Variants in PHACTR2 observed in about 807,000 individuals in gnomAD.
PHACTR2 encodes the protein phosphatase and actin regulator 2.
Under a neutral mutation model 76.0 loss-of-function variants are expected in PHACTR2, and 30 were observed. The observed-to-expected ratio is 0.39, with a 90% CI of 0.30 to 0.54. PHACTR2 has a LOEUF of 0.54. PHACTR2 is among the 20% of genes least tolerant of loss of function. The pLI is 0.61. For synonymous variants in PHACTR2, 292 were observed against 292.5 expected (o/e 1.00, Z 0.02); for missense variants, 696 against 781.1 (o/e 0.89, Z 1.30).
In PHACTR2 at chr6:143,809,019, G is replaced by C. The variant is rs145551760; in HGVS notation, c.1922+1886G>C. Among the ~76,000 whole-genome samples the C allele has an allele frequency of 6.6e-6, 1 of 152,218 alleles. No individual in the cohort carries two copies. The highest frequency in any genetic ancestry group is 1.5e-5 in the Non-Finnish European group (1 of 68,034). On this transcript the variant is annotated intron_variant, in intron 12 of 12. Transcript: ENST00000440869. The surrounding 1 kb of genome is among the most constrained non-coding windows in gnomAD (Gnocchi z 4.2). ...GGGCCTCCGGGCAACTGGGAAGATA[G>C]AGTGCTTGGTGCAGTTGGGTCCTGA...
At chr6:143,673,394 TATC>T (rs1378923176), upstream of PHACTR2, among the ~76,000 whole-genome samples, 2 of 152,180 alleles carry the variant, frequency 1.3e-5, no homozygotes, top group Admixed American at 6.5e-5. Context: ...ATTTTTAATT[TATC>T]ATCTATGTAT....
chr6:143,704,062 G>C (rs75823809), intron 1 of PHACTR2, among the ~76,000 whole-genome samples: 4,372 of 117,928 alleles, frequency 0.037, 208 homozygotes, highest in African/African-American at 0.13. Flanking sequence ...TCACTTCATG[G>C]TAAGTCCATC....
At chr6:143,704,865 G>T (rs754750914) in intron 1 of PHACTR2, among the ~76,000 whole-genome samples, 3 of 152,184 alleles carry the variant, frequency 2.0e-5, no homozygotes, top group African/African-American at 4.8e-5. Context: ...ATCTCGCTCA[G>T]TTGCCCAGGC....
chr6:143,750,934 T>C lies in PHACTR2; in HGVS notation c.295+1869T>C, dbSNP rs1237233543. Among the ~76,000 whole-genome samples, 1 of 152,236 alleles carries C rather than the reference T, an allele frequency of 6.6e-6. No homozygotes were observed. Among genetic ancestry groups the C allele is most frequent in the African/African-American group, 2.4e-5 (1 of 41,468 alleles). On this transcript the variant is annotated intron_variant, in intron 3 of 12. Transcript: ENST00000440869. This position sits in a 1 kb window ranked among gnomAD's most constrained non-coding sequence, Gnocchi z 4.6. ...TCCCTATCTAGAACCGTAGAAATTA[T>C]CTAATGGTTGAAGGTTCCTGAGGAT... is the stretch of plus-strand genomic sequence containing the variant.
At chr6:143,693,017 T>A (rs1025308777) in intron 1 of PHACTR2, among the ~76,000 whole-genome samples, 2 of 152,166 alleles carry the variant, frequency 1.3e-5, no homozygotes, top group African/African-American at 2.4e-5. Flanking sequence ...ATATGGTCCA[T>A]CCTCTGTGCC....
At chr6:143,817,940 G>C (rs373069218) in intron 12 of PHACTR2, among the ~76,000 whole-genome samples, 3 of 152,114 alleles carry the variant, frequency 2.0e-5, no homozygotes, top group Admixed American at 6.5e-5. Context: ...ACTGTAGGGG[G>C]ACTATAGTTA....
chr6:143,538,386 C>T (rs747532329), intron 1 of PHACTR2, among the ~76,000 whole-genome samples: 3 of 152,192 alleles, frequency 2.0e-5, no homozygotes, highest in Non-Finnish European at 4.4e-5. Context: ...AAAGCATTAG[C>T]CTAAGAATTG....
At chr6:143,640,818 G>A (rs1776550986) in intron 1 of PHACTR2, among the ~76,000 whole-genome samples, 1 of 152,122 alleles carries the variant, frequency 6.6e-6, no homozygotes, top group Non-Finnish European at 1.5e-5. Context: ...TTGAAAAAAA[G>A]ACCTTTACAG....
chr6:143,746,583 G>A (rs1779071595), intron 2 of PHACTR2, among the ~76,000 whole-genome samples: 1 of 152,126 alleles, frequency 6.6e-6, no homozygotes, highest in Non-Finnish European at 1.5e-5. Context: ...ACTGTTGGAG[G>A]AGGTCTACAG....
rs1429358014 is a variant in PHACTR2, at chr6:143,583,678, G to C, written c.217+46471G>C. ...TTCCCAGAACTGATAGCTTGATTTT[G>C]CCAGTTATACACCCAAAGACTTTGG... On this transcript the variant is annotated intron_variant, in intron 1 of 11. Coordinates refer to the PHACTR2 transcript ENST00000367584. This position sits in a 1 kb window ranked among gnomAD's most constrained non-coding sequence, Gnocchi z 4.0. Among the ~76,000 whole-genome samples, 2 of 152,202 alleles carry C rather than the reference G, an allele frequency of 1.3e-5. No homozygotes were observed. Among genetic ancestry groups the C allele is most frequent in the African/African-American group, 2.4e-5 (1 of 41,448 alleles).
At position 143,824,277 on chromosome 6, in the gene PHACTR2, A is replaced by G. The variant is rs1776490974; in HGVS notation, c.*588A>G. ...TGTTTCACCATTATGTTGGTACAGT[A>G]TAGTACCATTATTTTATGTTGTGCC... is the stretch of plus-strand genomic sequence containing the variant. On this transcript the variant is annotated 3_prime_UTR_variant, in exon 13 of 13. Transcript: ENST00000440869. The surrounding 1 kb of genome is among the most constrained non-coding windows in gnomAD (Gnocchi z 6.3). 6.5e-6 allele frequency: 1 copy of G among 152,770 alleles called. No homozygotes were observed. The highest frequency in any genetic ancestry group is 6.5e-5 in the Admixed American group (1 of 15,278). 9.5% of individuals were successfully genotyped at this position (152,770 alleles called of 1,614,324 possible).
chr6:143,779,947 A>ATATTATATTATATTC (rs1775386324), intron 9 of PHACTR2, among the ~76,000 whole-genome samples: 1 of 137,552 alleles, frequency 7.3e-6, no homozygotes, highest in African/African-American at 2.6e-5. Context: ...ATATTATATT[A>ATATTATATTATATTC]TATTTAGTTA....
rs1781132752 is a variant in PHACTR2, at chr6:143,537,868, G to A, written c.217+661G>A. Among the ~76,000 whole-genome samples the A allele has an allele frequency of 6.6e-6, 1 of 152,180 alleles. No homozygotes were observed. Among genetic ancestry groups the A allele is most frequent in the Admixed American group, 6.5e-5 (1 of 15,282 alleles). ...CGCCTGTAATTCCAGAGCTTTGGGA[G>A]GCCCAAGGCCGGCCGATCACTTGAG... is the stretch of plus-strand genomic sequence containing the variant. On this transcript the variant is annotated intron_variant, in intron 1 of 11. Coordinates refer to the PHACTR2 transcript ENST00000367584. This position sits in a 1 kb window ranked among gnomAD's most constrained non-coding sequence, Gnocchi z 4.4.
chr6:143,813,435 C>T (rs552932566), intron 12 of PHACTR2, among the ~76,000 whole-genome samples: 1 of 152,002 alleles, frequency 6.6e-6, no homozygotes, highest in Non-Finnish European at 1.5e-5. Context: ...CTGGCTAACA[C>T]GGTGAAACCC....
Position 143,565,842 on chromosome 6 carries a change from C to T in PHACTR2, c.217+28635C>T, listed in dbSNP as rs530840300. Reference sequence around the variant, plus strand: ...AGGGTGGAGTGAGGGCAGGGTCTTGCGGGCTTTCACTTTGGGCGGGAAGGG... The same window carrying T: ...AGGGTGGAGTGAGGGCAGGGTCTTGTGGGCTTTCACTTTGGGCGGGAAGGG... On this transcript the variant is annotated intron_variant, in intron 1 of 11. Coordinates refer to the PHACTR2 transcript ENST00000367584. 4.2e-4 allele frequency among the ~76,000 whole-genome samples: 64 copies of T among 152,076 alleles called. No homozygotes were observed. The South Asian group carries it at 8.1e-3, about 19-fold the overall frequency.
Position 143,750,808 on chromosome 6 carries a change from A to G in PHACTR2, c.295+1743A>G, listed in dbSNP as rs955060813. Among the ~76,000 whole-genome samples, 2 of 152,228 alleles carry G rather than the reference A, an allele frequency of 1.3e-5. No individual in the cohort carries two copies. The highest frequency in any genetic ancestry group is 2.4e-5 in the African/African-American group (1 of 41,464). Reference sequence around the variant, plus strand: ...GTGGAAACTAAAAGTTTTAAAACATAAAAGAACAAAACAATTTTTTAACCT... The same window carrying G: ...GTGGAAACTAAAAGTTTTAAAACATGAAAGAACAAAACAATTTTTTAACCT... On this transcript the variant is annotated intron_variant, in intron 3 of 12. Coordinates refer to ENST00000440869, the MANE Select transcript of PHACTR2 (RefSeq NM_001100164.2). This position sits in a 1 kb window ranked among gnomAD's most constrained non-coding sequence, Gnocchi z 4.6.
Position 143,550,517 on chromosome 6 carries a change from A to G in PHACTR2, c.217+13310A>G, listed in dbSNP as rs1775081795. ...TGGGCGGAGGGTGTCATGCTTTTTC[A>G]TGAAGTTTTTTGATGAAGTATCTAA... On this transcript the variant is annotated intron_variant, in intron 1 of 11. Transcript: ENST00000367584. This position sits in a 1 kb window ranked among gnomAD's most constrained non-coding sequence, Gnocchi z 4.8. Among the ~76,000 whole-genome samples the G allele has an allele frequency of 6.6e-6, 1 of 152,038 alleles. No homozygotes were observed. Among genetic ancestry groups the G allele is most frequent in the Admixed American group, 6.6e-5 (1 of 15,234 alleles).
Position 143,698,226 on chromosome 6 carries a change from C to T in PHACTR2, c.47-13790C>T, listed in dbSNP as rs1342618715. On this transcript the variant is annotated intron_variant, in intron 1 of 12. Transcript: ENST00000440869. The surrounding 1 kb of genome is among the most constrained non-coding windows in gnomAD (Gnocchi z 4.3). ...TTATCCAAATCCTGCTGGAGCAACT[C>T]ATTCTCTGGAATGCTTGCTTAACAC... 6.6e-6 allele frequency among the ~76,000 whole-genome samples: 1 copy of T among 152,168 alleles called. No homozygotes were observed. Among genetic ancestry groups the T allele is most frequent in the Non-Finnish European group, 1.5e-5 (1 of 68,026 alleles).
chr6:143,790,733 G>T (rs1041640320), intron 11 of PHACTR2, among the ~76,000 whole-genome samples: 7 of 151,234 alleles, frequency 4.6e-5, no homozygotes, highest in African/African-American at 1.7e-4. Flanking sequence ...GAGTGCTGTG[G>T]CTCGATCTCA....
Sources: allele counts gnomAD v4.1 joint callset (sites outside exome capture counted in the v4.1 genomes callset), GRCh38; gene constraint gnomAD v4.1.1; non-coding constraint Gnocchi (gnomAD v3.1); transcripts MANE v1.5; gene names NCBI Gene and HGNC (gene_info 2026-07-23, HGNC 2026-07-21).